DMC1: variants seen among roughly 807,000 people sequenced by gnomAD.
DMC1 encodes the protein meiotic recombination protein DMC1 homolog.
A neutral mutation model predicts 50.1 loss-of-function variants in DMC1; 27 were observed. That is an observed-to-expected ratio of 0.54 (90% CI 0.40 to 0.74). DMC1 has a LOEUF of 0.74. Ranked by LOEUF, DMC1 falls within the 30% of genes least tolerant of loss-of-function variation. The probability of loss-of-function intolerance (pLI) is 0.00; values close to 1 mark genes in which losing one functional copy is unlikely to be tolerated. For missense variants in DMC1, 295 were observed against 420.2 expected (o/e 0.70, Z 2.60); for synonymous variants, 148 against 136.1 (o/e 1.09, Z -0.61).
chr22:38,517,267 T>C (rs1176775127), downstream of DMC1, among the ~76,000 whole-genome samples: 1 of 152,154 alleles, frequency 6.6e-6, no homozygotes, highest in African/African-American at 2.4e-5. Flanking sequence ...GCTAGAATGA[T>C]TTTTCAAGAT....
chr22:38,544,337 A>G (rs900979430), intron 8 of DMC1, among the ~76,000 whole-genome samples: 1 of 152,206 alleles, frequency 6.6e-6, no homozygotes, highest in African/African-American at 2.4e-5. Flanking sequence ...TGCATATCTG[A>G]TTGCCTCCTT....
Position 38,521,589 on chromosome 22 carries a change from A to ACACACACACAC in DMC1, c.953+18_953+19insGTGTGTGTGTG, listed in dbSNP as rs767981761. On this transcript the variant is annotated intron_variant, in intron 13 of 13. Transcript: ENST00000216024. Reference sequence around the variant, plus strand: ...CACACACACACACACACACACACACAAAATAAAAAAAAATTTACCTGTCAT... The same window carrying ACACACACACAC: ...CACACACACACACACACACACACACACACACACACACAAATAAAAAAAAATTTACCTGTCAT... 28 of 1,497,680 alleles carry ACACACACACAC rather than the reference A, an allele frequency of 1.9e-5. No homozygotes were observed. The highest frequency in any genetic ancestry group is 2.8e-5 in the African/African-American group (2 of 71,250). The allele number at this position is 1,497,680 out of a possible 1,614,324, so 92.8% of individuals were successfully genotyped here.
intron 4 of DMC1, among the ~76,000 whole-genome samples, chr22:38,563,639 A>C (rs1391625490): frequency 6.6e-6 from 1 of 151,972 alleles, no homozygotes; most frequent in African/African-American, 2.4e-5. Flanking sequence ...GGACTGCTTG[A>C]TGCCAGCAGT....
At chr22:38,557,858 C>T (rs1295110648) in intron 5 of DMC1, among the ~76,000 whole-genome samples, 1 of 151,114 alleles carries the variant, frequency 6.6e-6, no homozygotes, top group African/African-American at 2.4e-5. Context: ...TTAATGGTGC[C>T]TACAACTCAC....
chr22:38,555,282 G>C, intron 6 of DMC1, 75 bp downstream of exon 6: 1 of 898,386 alleles, frequency 1.1e-6, no homozygotes, highest in Non-Finnish European at 1.8e-6. Context: ...TTAATTATAT[G>C]TGTATGTATA....
At chr22:38,550,317 C>CTTTTTT (rs11458767) in intron 7 of DMC1, among the ~76,000 whole-genome samples, 25 of 133,972 alleles carry the variant, frequency 1.9e-4, no homozygotes, top group African/African-American at 3.0e-4. Context: ...CTTTTCTTTT[C>CTTTTTT]TTTTTTTTTT....
At chr22:38,563,069 A>T (rs2090545854) in intron 4 of DMC1, among the ~76,000 whole-genome samples, 2 of 152,208 alleles carry the variant, frequency 1.3e-5, no homozygotes, top group African/African-American at 2.4e-5. Flanking sequence ...GTGCCCAGCC[A>T]AATGAGATAT....
chr22:38,555,102 A>T (rs2090455611), intron 6 of DMC1, among the ~76,000 whole-genome samples: 1 of 152,110 alleles, frequency 6.6e-6, no homozygotes, highest in African/African-American at 2.4e-5. Context: ...AAAAAAAAAA[A>T]AAAATCTATT....
intron 4 of DMC1, among the ~76,000 whole-genome samples, chr22:38,566,164 C>T (rs562998060): frequency 1.3e-5 from 2 of 151,810 alleles, no homozygotes; most frequent in Non-Finnish European, 2.9e-5. Flanking sequence ...GTCCCAGCTA[C>T]TCAGGAGGCT....
At chr22:38,548,815 C>G (rs1024389644) in intron 8 of DMC1, among the ~76,000 whole-genome samples, 1 of 151,904 alleles carries the variant, frequency 6.6e-6, no homozygotes, top group Non-Finnish European at 1.5e-5. Context: ...GCATTCCAGC[C>G]TGGGTGATGG....
chr22:38,536,024 C>A (rs2090207873), intron 12 of DMC1, among the ~76,000 whole-genome samples: 1 of 150,942 alleles, frequency 6.6e-6, no homozygotes, highest in African/African-American at 2.4e-5. Flanking sequence ...AGTTCGAGAC[C>A]AGCCTGGCCA....
chr22:38,553,621 C>T (rs971183100), intron 6 of DMC1, among the ~76,000 whole-genome samples: 4 of 151,480 alleles, frequency 2.6e-5, no homozygotes, highest in African/African-American at 4.8e-5. Context: ...GTCAGGAGTT[C>T]GAGACCAGCC....
At chr22:38,563,077 T>C (rs143918710) in intron 4 of DMC1, among the ~76,000 whole-genome samples, 1 of 152,312 alleles carries the variant, frequency 6.6e-6, no homozygotes. Flanking sequence ...CCAAATGAGA[T>C]ATAATTATGG....
chr22:38,527,022 G>A (rs186983672), intron 12 of DMC1, among the ~76,000 whole-genome samples: 1 of 152,210 alleles, frequency 6.6e-6, no homozygotes, highest in East Asian at 1.9e-4. Flanking sequence ...ATTCACTGGA[G>A]AAATGGATAC....
At chr22:38,564,916 C>G (rs546762337) in intron 4 of DMC1, among the ~76,000 whole-genome samples, 1 of 152,080 alleles carries the variant, frequency 6.6e-6, no homozygotes, top group Non-Finnish European at 1.5e-5. Context: ...TCGGTTGAGT[C>G]CCCTCCAAGT....
In DMC1 at chr22:38,521,639, C is replaced by T. The variant is rs937163053; in HGVS notation, c.922G>A (p.Gly308Arg). 3.7e-6 allele frequency: 6 copies of T among 1,613,170 alleles called. No individual in the cohort carries two copies. Among genetic ancestry groups the T allele is most frequent in the Non-Finnish European group, 5.1e-6 (6 of 1,179,628 alleles). The change falls in exon 13 of 14, where the codon GGA becomes AGA. Residue 308 changes from glycine to arginine, a missense_variant. Coordinates refer to ENST00000216024, the MANE Select transcript of DMC1 (RefSeq NM_007068.4). ...TAAATCTTGGCAATTCTGAGCTCTC[C>T]TCTTCCCTTTCGCAAGCTTATTCTT... The part of the protein sequence containing the change: ...TTRISLRKGR[G>R]ELRIAKIYDS...
In DMC1 at chr22:38,539,292, C is replaced by T. The variant is rs200799232; in HGVS notation, c.586+29G>A. ...TCAGTGCTGCCAACCTTACATTGAC[C>T]CAAGCATCCAACTGCATGGGGCTCT... On this transcript the variant is annotated intron_variant, in intron 9 of 13. Coordinates refer to ENST00000216024, the MANE Select transcript of DMC1 (RefSeq NM_007068.4). 3,131 of 1,539,248 alleles carry T rather than the reference C, an allele frequency of 2.0e-3. 4 individuals are homozygous for T. Among genetic ancestry groups the T allele is most frequent in the Non-Finnish European group, 2.5e-3 (2,795 of 1,111,932 alleles).
chr22:38,509,287 C>T, the DMC1 span, among the ~76,000 whole-genome samples: 2 of 151,986 alleles, frequency 1.3e-5, no homozygotes, highest in African/African-American at 4.8e-5. Context: ...GCCCAGCATC[C>T]GTTAGCTATT....
intron 8 of DMC1, among the ~76,000 whole-genome samples, chr22:38,541,989 AT>A (rs2090286244): frequency 1.3e-5 from 2 of 150,938 alleles, no homozygotes; most frequent in Admixed American, 6.6e-5. Context: ...TGAAAAAAGC[AT>A]TTGATAAAAT....
Sources: allele counts gnomAD v4.1 joint callset (sites outside exome capture counted in the v4.1 genomes callset), GRCh38; gene constraint gnomAD v4.1.1; transcripts MANE v1.5; gene names NCBI Gene and HGNC (gene_info 2026-07-23, HGNC 2026-07-21).